Variants in PAN2 observed in about 807,000 individuals in gnomAD.
PAN2 encodes poly(A) specific ribonuclease subunit PAN2, also known as PAN2-PAN3 deadenylation complex catalytic subunit PAN2.
PAN2 carries 68 observed loss-of-function variants against 133.3 expected under a neutral mutation model. That is an observed-to-expected ratio of 0.51 (90% CI 0.42 to 0.62). PAN2 has a LOEUF of 0.62. Ranked by LOEUF, PAN2 falls within the 20% of genes least tolerant of loss-of-function variation. PAN2 has a pLI of 0.00. For synonymous variants in PAN2, 462 were observed against 544.6 expected, an observed-to-expected ratio of 0.85 and a Z score of 2.11; for missense variants, 1,042 against 1,500.5, an observed-to-expected ratio of 0.69 and a Z score of 5.05.
At position 56,332,944 on chromosome 12, in the gene PAN2, C is replaced by A; in HGVS notation, c.151G>T (p.Val51Phe). 2 of 1,614,184 alleles carry A rather than the reference C, an allele frequency of 1.2e-6. No individual in the cohort carries two copies. Among genetic ancestry groups the A allele is most frequent in the Non-Finnish European group, 1.7e-6 (2 of 1,180,028 alleles). ...TCCATTATGTGCACTGATTCCTGGA[C>A]GGGAAGAGCCTCCAAGGCCACTCCC... ...PEGVALEALP[V>F]QESVHIMEGV... The change falls in exon 2 of 26, where the codon GTC becomes TTC. Residue 51 changes from valine (V) to phenylalanine (F), a missense_variant. By Grantham distance (50) the Val-to-Phe change is conservative. Coordinates refer to ENST00000440411, the MANE Select transcript of PAN2 (RefSeq NM_014871.6).
chr12:56,324,927 C>T, intron 10 of PAN2, 82 bp downstream of exon 10: 1 of 1,531,632 alleles, frequency 6.5e-7, no homozygotes, highest in Non-Finnish European at 8.9e-7. Flanking sequence ...GCTGAGGAGA[C>T]CTGGAAAGAG....
intron 5 of PAN2, 104 bp downstream of exon 5, chr12:56,327,891 C>T: frequency 6.5e-7 from 1 of 1,545,264 alleles, no homozygotes; most frequent in Non-Finnish European, 8.7e-7. Context: ...ACTCATCCCT[C>T]ACCTCCAATC....
Position 56,319,802 on chromosome 12 carries a change from C to G in PAN2, c.2947-38G>C, listed in dbSNP as rs767342716. ...AGTTAATAAGGAAATCAGAGAAATG[C>G]TTACAACTCCTAATATCCTCAGCGT... On this transcript the variant is annotated intron_variant, in intron 21 of 25. Transcript: ENST00000440411. This position sits in a 1 kb window ranked among gnomAD's most constrained non-coding sequence, Gnocchi z 5.4. 1 of 1,612,546 alleles carries G rather than the reference C, an allele frequency of 6.2e-7. No homozygotes were observed. The highest frequency in any genetic ancestry group is 8.5e-7 in the Non-Finnish European group (1 of 1,179,060).
In PAN2 at chr12:56,325,450, G is replaced by T. The variant is rs1875004856; in HGVS notation, c.1364C>A (p.Pro455His). The T allele has an allele frequency of 6.2e-7, 1 of 1,613,786 alleles. No individual in the cohort carries two copies. Among genetic ancestry groups the T allele is most frequent in the African/African-American group, 1.3e-5 (1 of 74,898 alleles). Residue 455 changes from proline (P) to histidine (H), a missense_variant, in exon 9 of 26, where the codon CCC becomes CAC. By Grantham distance (77) the Pro-to-His change is moderately conservative. This residue lies in a region of PAN2 where 908 missense variants were observed against 1,223.5 expected (regional missense o/e 0.74). Transcript: ENST00000440411. ...NPRTRLRNQI[P>H]YRLKESDSEF... ...ACTGTCTGACTCCTTGAGTCTGTAG[G>T]GTATCTAGGGATTTTAGGAAGAGGT...
rs1301102551 is a variant in PAN2 at position 56,333,012 on chromosome 12, T to G, written c.83A>C (p.His28Pro). The change falls in exon 2 of 26, where the codon CAC becomes CCC. Residue 28 changes from histidine (H) to proline (P), a missense_variant. Around this residue, in one of 3 missense-constraint regions of PAN2, gnomAD observed 908 missense variants for 1,223.5 expected, o/e 0.74. Transcript: ENST00000440411. ...HSALDPVLDA[H>P]LNPSLLQNVE... The stretch of plus-strand genomic sequence containing the variant: ...ATTCTGTAGCAGACTTGGGTTCAGG[T>G]GGGCATCCAAGACAGGGTCCAGGGC... 1.2e-6 allele frequency: 2 copies of G among 1,614,032 alleles called. No homozygotes were observed. Among genetic ancestry groups the G allele is most frequent in the Non-Finnish European group, 1.7e-6 (2 of 1,180,028 alleles).
Position 56,318,666 on chromosome 12 carries a change from C to G in PAN2, c.3365-232G>C, listed in dbSNP as rs149930400. ...CCCATTTTGTCCTCTAACACTTTTC[C>G]TACTTTTTCTTTTCCCCCCATGCTT... On this transcript the variant is annotated intron_variant, in intron 24 of 25. Coordinates refer to ENST00000440411, the MANE Select transcript of PAN2 (RefSeq NM_014871.6). 3.0e-3 allele frequency: 1,494 copies of G among 502,928 alleles called. 14 individuals are homozygous for G. The highest frequency in any genetic ancestry group is 0.026 in the African/African-American group (1,337 of 51,734). 31.2% of individuals were successfully genotyped at this position (502,928 alleles called of 1,614,324 possible).
At chr12:56,333,631 A>G (rs931471261) in intron 1 of PAN2, 3 of 155,510 alleles carry the variant, frequency 1.9e-5, no homozygotes, top group African/African-American at 7.2e-5. Context: ...TCAGTTTCCT[A>G]GAATCCTCTC....
chr12:56,322,393 AAAG>A, intron 19 of PAN2, 27 bp downstream of exon 19: 1 of 1,569,888 alleles, frequency 6.4e-7, no homozygotes, highest in East Asian at 2.2e-5. Context: ...AGGGGAAATG[AAAG>A]AAGAAACAGA....
chr12:56,323,110 T>G lies in PAN2; in HGVS notation c.2445A>C (p.Lys815Asn), dbSNP rs566733976. 1.4e-5 allele frequency: 22 copies of G among 1,614,182 alleles called. No homozygotes were observed. The East Asian group carries it at 4.7e-4, about 34-fold the overall frequency. ...AATTGCAAACATCCAGCCCTTTGTT[T>G]TTGGTCATCTTCATGCGAATGGAGA... Reference protein sequence around the residue: ...LPFSIRMKMTKNKGLDVCNWT... With the variant: ...LPFSIRMKMTNNKGLDVCNWT... Residue 815 changes from lysine (K) to asparagine (N), a missense_variant, in exon 17 of 26, where the codon AAA becomes AAC. Transcript: ENST00000440411.
At position 56,324,714 on chromosome 12, in the gene PAN2, A is replaced by G. The variant is rs1395099792; in HGVS notation, c.1600-5T>C. The G allele has an allele frequency of 6.2e-7, 1 of 1,610,934 alleles. No homozygotes were observed. On this transcript the variant is annotated splice_region_variant and splice_polypyrimidine_tract_variant and intron_variant, in intron 10 of 25. Transcript: ENST00000440411. ...AGGCTCCAGGAAATAGAGCACCTGG[A>G]GGGAAAAGCAGAAGAACTGATGTAG... is the stretch of plus-strand genomic sequence containing the variant.
rs754102629 is a variant in PAN2, at chr12:56,323,219, CAGA to C, written c.2346-13_2346-11del. ...ACTCCCTAGTTCCTTCCTATCAGGT[CAGA>C]AGAATTGGAAATTTGTTCCGAAAGA... On this transcript the variant is annotated splice_polypyrimidine_tract_variant and intron_variant, in intron 16 of 25. Coordinates refer to ENST00000440411, the MANE Select transcript of PAN2 (RefSeq NM_014871.6). 6.2e-7 allele frequency: 1 copy of C among 1,613,840 alleles called. No homozygotes were observed. The highest frequency in any genetic ancestry group is 8.5e-7 in the Non-Finnish European group (1 of 1,179,982).
In PAN2 at chr12:56,323,225, A is replaced by G; in HGVS notation, c.2346-16T>C. On this transcript the variant is annotated splice_polypyrimidine_tract_variant and intron_variant, in intron 16 of 25. Coordinates refer to ENST00000440411, the MANE Select transcript of PAN2 (RefSeq NM_014871.6). The stretch of plus-strand genomic sequence containing the variant: ...TAGTTCCTTCCTATCAGGTCAGAAG[A>G]ATTGGAAATTTGTTCCGAAAGAGGT... 1.2e-6 allele frequency: 2 copies of G among 1,613,672 alleles called. No homozygotes were observed. The highest frequency in any genetic ancestry group is 1.7e-6 in the Non-Finnish European group (2 of 1,179,926).
At chr12:56,320,068 C>T (rs1874308137) in intron 20 of PAN2, 47 bp from the exon 21 acceptor site, 2 of 1,594,914 alleles carry the variant, frequency 1.3e-6, no homozygotes, top group Non-Finnish European at 1.7e-6. Flanking sequence ...AGGGAAGTGA[C>T]TAGGGGAGAG....
chr12:56,318,481 T>G (rs539322983), intron 24 of PAN2, 47 bp from the exon 25 acceptor site: 1 of 1,454,926 alleles, frequency 6.9e-7, no homozygotes. Flanking sequence ...CAAAGGGAGG[T>G]AGGAACATGT....
chr12:56,324,241 TCA>T, intron 12 of PAN2, 51 bp downstream of exon 12: 1 of 1,611,202 alleles, frequency 6.2e-7, no homozygotes, highest in Non-Finnish European at 8.5e-7. Context: ...ACCTTTTAAA[TCA>T]CAGAGGGGCC....
rs1874699062 is a variant in PAN2, at chr12:56,322,773, C to G, written c.2494-15G>C. 2 of 1,607,906 alleles carry G rather than the reference C, an allele frequency of 1.2e-6. No homozygotes were observed. The highest frequency in any genetic ancestry group is 1.7e-6 in the Non-Finnish European group (2 of 1,178,078). Reference sequence around the variant, plus strand: ...GCTGGGCCCCACTGTGAGGGGGGTACCCAGGCTGCTAAGCTAAGTTTAAGG... The same window carrying G: ...GCTGGGCCCCACTGTGAGGGGGGTAGCCAGGCTGCTAAGCTAAGTTTAAGG... On this transcript the variant is annotated splice_polypyrimidine_tract_variant and intron_variant, in intron 17 of 25. Transcript: ENST00000440411.
At chr12:56,329,940 C>T (rs7133293) in intron 2 of PAN2, among the ~76,000 whole-genome samples, 134,874 of 143,524 alleles carry the variant, frequency 0.94, 63,904 homozygotes, top group East Asian at 1. Context: ...TGAGATTCCA[C>T]CTAAAAAAAA....
At position 56,330,924 on chromosome 12, in the gene PAN2, A is replaced by G. The variant is rs369628160; in HGVS notation, c.282+1889T>C. 7.0e-3 allele frequency among the ~76,000 whole-genome samples: 1,061 copies of G among 152,032 alleles called. 5 individuals carry two copies. Among genetic ancestry groups the G allele is most frequent in the South Asian group, 0.013 (61 of 4,812 alleles). ...AGCAATTCTCCTGCTTCAGCCTCCC[A>G]AGTAGCTGGGATTATAGGAACCTGC... is the stretch of plus-strand genomic sequence containing the variant. On this transcript the variant is annotated intron_variant, in intron 2 of 25. Coordinates refer to ENST00000440411, the MANE Select transcript of PAN2 (RefSeq NM_014871.6).
intron 14 of PAN2, 77 bp downstream of exon 14, chr12:56,323,730 A>C: frequency 7.0e-7 from 1 of 1,432,540 alleles, no homozygotes; most frequent in Non-Finnish European, 9.8e-7. Flanking sequence ...GTGCTGACAG[A>C]GCCAGCCCCA....
Sources: allele counts gnomAD v4.1 joint callset (sites outside exome capture counted in the v4.1 genomes callset), GRCh38; gene constraint gnomAD v4.1.1; regional missense constraint gnomAD v4.1.1; non-coding constraint Gnocchi (gnomAD v3.1); transcripts MANE v1.5; gene names NCBI Gene and HGNC (gene_info 2026-07-23, HGNC 2026-07-21).